Variants in ZNF609 observed in about 807,000 individuals in gnomAD.
ZNF609 encodes zinc finger protein 609.
In ZNF609, 11 loss-of-function variants were observed where a neutral mutation model predicts 109.5. The ratio of observed to expected loss-of-function variants is 0.10; its 90% CI spans 0.06 to 0.17. The LOEUF (loss-of-function observed/expected upper bound fraction) is 0.17, where lower values mean the gene tolerates loss of function less well. ZNF609 is among the 10% of genes least tolerant of loss of function. The probability of loss-of-function intolerance (pLI) is 1.00; values close to 1 mark genes in which losing one functional copy is unlikely to be tolerated. For missense variants in ZNF609, 1,559 were observed against 1,772.4 expected (o/e 0.88, Z 2.16); for synonymous variants, 646 against 662.0 (o/e 0.98, Z 0.37).
chr15:64,671,800 C>T (rs1393861064), intron 4 of ZNF609, among the ~76,000 whole-genome samples: 5 of 152,156 alleles, frequency 3.3e-5, no homozygotes, highest in Non-Finnish European at 1.5e-5. Context: ...ATTATCTGAA[C>T]AGTTCTTTTA....
At chr15:64,564,123 G>A (rs775853496) in intron 2 of ZNF609, among the ~76,000 whole-genome samples, 4 of 151,206 alleles carry the variant, frequency 2.6e-5, no homozygotes, top group Non-Finnish European at 4.4e-5. Flanking sequence ...CACCCAGGAT[G>A]TAAACTGTTA....
intron 2 of ZNF609, among the ~76,000 whole-genome samples, chr15:64,598,780 A>ATATC (rs1237005473): frequency 1.5e-5 from 2 of 133,214 alleles, no homozygotes; most frequent in African/African-American, 5.9e-5. Flanking sequence ...ATATATATAT[A>ATATC]TATATATCCT....
chr15:64,555,430 A>G (rs1279135509), intron 2 of ZNF609, among the ~76,000 whole-genome samples: 2 of 152,070 alleles, frequency 1.3e-5, no homozygotes, highest in Non-Finnish European at 2.9e-5. Flanking sequence ...TTTGGAGGCC[A>G]AGGCGTGTGG....
intron 2 of ZNF609, among the ~76,000 whole-genome samples, chr15:64,575,539 C>T (rs1401299984): frequency 6.6e-6 from 1 of 152,126 alleles, no homozygotes; most frequent in Non-Finnish European, 1.5e-5. Context: ...GAATAACAAC[C>T]ATGGAGGAAC....
At chr15:64,578,167 G>T (rs1382677086) in intron 2 of ZNF609, among the ~76,000 whole-genome samples, 1 of 150,616 alleles carries the variant, frequency 6.6e-6, no homozygotes, top group African/African-American at 2.4e-5. Context: ...ATTTTTTTGA[G>T]ACAGTCTTGC....
chr15:64,633,747 G>A (rs897976045), intron 3 of ZNF609, among the ~76,000 whole-genome samples: 5 of 152,060 alleles, frequency 3.3e-5, no homozygotes, highest in Non-Finnish European at 5.9e-5. Flanking sequence ...CAGGCATGGT[G>A]GTGGGCGCCT....
intron 1 of ZNF609, among the ~76,000 whole-genome samples, chr15:64,479,460 T>G (rs995196309): frequency 3.1e-4 from 47 of 151,642 alleles, no homozygotes; most frequent in African/African-American, 1.1e-3. Context: ...CCTGGCTAAT[T>G]TTTTGTATTT....
intron 2 of ZNF609, among the ~76,000 whole-genome samples, chr15:64,573,027 TACAAGACATAATTGAGC>T (rs1406582940): frequency 6.6e-6 from 1 of 152,222 alleles, no homozygotes; most frequent in East Asian, 1.9e-4. Context: ...CAGCCAATTA[TACAAGACATAATTGAGC>T]AACCATTACA....
chr15:64,545,769 C>T (rs1232297985), intron 2 of ZNF609, among the ~76,000 whole-genome samples: 1 of 152,158 alleles, frequency 6.6e-6, no homozygotes, highest in Non-Finnish European at 1.5e-5. Flanking sequence ...ACAGTGAGTA[C>T]TTTTTTGTGT....
At chr15:64,496,383 T>C (rs566832498) in intron 1 of ZNF609, among the ~76,000 whole-genome samples, 1 of 152,348 alleles carries the variant, frequency 6.6e-6, no homozygotes, top group South Asian at 2.1e-4. Context: ...ATGGTTAAAT[T>C]ACATACTGAG....
At chr15:64,522,080 T>C (rs1893899250) in intron 2 of ZNF609, among the ~76,000 whole-genome samples, 1 of 152,208 alleles carries the variant, frequency 6.6e-6, no homozygotes. Context: ...AGCATTGTTA[T>C]CTCTAATGCC....
At chr15:64,490,999 G>C (rs926105604) in intron 1 of ZNF609, among the ~76,000 whole-genome samples, 7 of 152,236 alleles carry the variant, frequency 4.6e-5, no homozygotes, top group African/African-American at 1.7e-4. Context: ...CACATGGTCA[G>C]ATAAGCCCTG....
intron 3 of ZNF609, among the ~76,000 whole-genome samples, chr15:64,639,899 T>C (rs1896228451): frequency 6.6e-6 from 1 of 152,134 alleles, no homozygotes. Context: ...GTTACTGGGT[T>C]GAGTTCCTCT....
chr15:64,608,046 G>A (rs1468903263), intron 2 of ZNF609, among the ~76,000 whole-genome samples: 1 of 151,286 alleles, frequency 6.6e-6, no homozygotes, highest in Non-Finnish European at 1.5e-5. Flanking sequence ...TTACAGGCAT[G>A]CGCCAACATG....
intron 2 of ZNF609, among the ~76,000 whole-genome samples, chr15:64,521,719 T>A (rs150050515): frequency 6.1e-4 from 93 of 152,224 alleles, no homozygotes; most frequent in African/African-American, 2.1e-3. Context: ...GCCAGTGTGG[T>A]TTTTTAAAAT....
rs752610946 is a variant in ZNF609, at chr15:64,551,729, C to G, written c.747+51563C>G. On this transcript the variant is annotated intron_variant, in intron 2 of 9. Coordinates refer to ENST00000326648, the MANE Select transcript of ZNF609 (RefSeq NM_015042.2). Reference sequence around the variant, plus strand: ...ATGGAGAGGGAGAAAGACAAGAGAACAGCTGATCAATGGGGCAGTGAGAAC... The same window carrying G: ...ATGGAGAGGGAGAAAGACAAGAGAAGAGCTGATCAATGGGGCAGTGAGAAC... Among the ~76,000 whole-genome samples, 3 of 148,696 alleles carry G rather than the reference C, an allele frequency of 2.0e-5. 1 individual carries two copies. The highest frequency in any genetic ancestry group is 1.3e-4 in the Admixed American group (2 of 14,914).
intron 2 of ZNF609, chr15:64,502,256 G>C: frequency 6.6e-6 from 1 of 152,160 alleles, no homozygotes; most frequent in Middle Eastern, 3.2e-3. Flanking sequence ...TGGACAGTCT[G>C]GTCCTGAGGG....
rs1567019106 is a variant in ZNF609, at chr15:64,577,047, TAAATATATACATATATGTATATATACAC to T, written c.748-45750_748-45723del. ...AAATATATATATGTATATATACACA[TAAATATATACATATATGTATATATACAC>T]AAATATATACATATATGTATATATA... On this transcript the variant is annotated intron_variant, in intron 2 of 9. Coordinates refer to ENST00000326648, the MANE Select transcript of ZNF609 (RefSeq NM_015042.2). Among the ~76,000 whole-genome samples, 358 of 92,392 alleles carry T rather than the reference TAAATATATACATATATGTATATATACAC, an allele frequency of 3.9e-3. 5 individuals carry two copies. Among genetic ancestry groups the T allele is most frequent in the Non-Finnish European group, 7.0e-3 (292 of 41,664 alleles). The allele number at this position is 92,392 out of a possible 152,430, so 60.6% of individuals were successfully genotyped here.
intron 4 of ZNF609, among the ~76,000 whole-genome samples, chr15:64,670,872 T>TC (rs1896715483): frequency 1.0e-5 from 1 of 96,210 alleles, no homozygotes; most frequent in East Asian, 3.0e-4. Flanking sequence ...AAAGCGAAAC[T>TC]CCATCTCAAA....
Sources: gnomAD v4.1 joint callset for allele counts (sites outside exome capture counted in the v4.1 genomes callset) on GRCh38, gnomAD v4.1.1 for gene constraint, MANE v1.5 for transcripts, NCBI Gene and HGNC (gene_info 2026-07-23, HGNC 2026-07-21) for gene names.